Variants in PTPRD observed in about 807,000 individuals in gnomAD.
The protein encoded by PTPRD is protein tyrosine phosphatase receptor type D, also known as receptor-type tyrosine-protein phosphatase delta.
A neutral mutation model predicts 214.5 loss-of-function variants in PTPRD; 34 were observed. The observed-to-expected ratio is 0.16, with a 90% CI of 0.12 to 0.21. PTPRD has a LOEUF of 0.21. Among genes scored for constraint, PTPRD ranks in the 10% least tolerant of loss-of-function variants. PTPRD has a pLI of 1.00. For missense variants in PTPRD, 2,545 were observed against 2,398.7 expected, an observed-to-expected ratio of 1.06 and a Z score of -1.27; for synonymous variants, 1,128 against 845.7, an observed-to-expected ratio of 1.33 and a Z score of -5.79.
intron 10 of PTPRD, among the ~76,000 whole-genome samples, chr9:9,028,974 T>C (rs548182951): frequency 1.3e-5 from 2 of 152,056 alleles, no homozygotes; most frequent in East Asian, 3.9e-4. Flanking sequence ...TTGTCCAATA[T>C]GGTAGCCACT....
intron 33 of PTPRD, among the ~76,000 whole-genome samples, chr9:8,459,801 A>C (rs1457478632): frequency 2.0e-5 from 3 of 152,142 alleles, no homozygotes; most frequent in Non-Finnish European, 4.4e-5. Flanking sequence ...GTACCTTGGC[A>C]TCCCTTTTTG....
At chr9:10,323,305 A>C (rs868481168) in intron 3 of PTPRD, among the ~76,000 whole-genome samples, 1 of 87,192 alleles carries the variant, frequency 1.1e-5, no homozygotes, top group African/African-American at 4.6e-5. Flanking sequence ...CTCCCCTCCC[A>C]TTCCCTTCCT....
chr9:10,229,662 T>C (rs909515941), intron 3 of PTPRD, among the ~76,000 whole-genome samples: 2 of 121,946 alleles, frequency 1.6e-5, no homozygotes, highest in African/African-American at 6.4e-5. Context: ...TGAGAACACA[T>C]GGACATAGAT....
intron 5 of PTPRD, among the ~76,000 whole-genome samples, chr9:9,851,500 C>A (rs2060541071): frequency 6.6e-6 from 1 of 152,318 alleles, no homozygotes; most frequent in East Asian, 1.9e-4. Flanking sequence ...CCTAAAGATT[C>A]ACATTCTTCA....
chr9:9,972,600 A>C (rs2095169290), intron 4 of PTPRD, among the ~76,000 whole-genome samples: 1 of 152,232 alleles, frequency 6.6e-6, no homozygotes, highest in South Asian at 2.1e-4. Context: ...GCTTGAAAGA[A>C]CACAAATTTG....
At chr9:10,574,726 CACATT>C (rs1386482247) in intron 2 of PTPRD, among the ~76,000 whole-genome samples, 5 of 149,360 alleles carry the variant, frequency 3.3e-5, no homozygotes, top group African/African-American at 1.2e-4. Flanking sequence ...ATATCAAATT[CACATT>C]ACATTAGATA....
At chr9:9,810,674 G>C (rs1315738750) in intron 5 of PTPRD, among the ~76,000 whole-genome samples, 1 of 151,304 alleles carries the variant, frequency 6.6e-6, no homozygotes, top group Non-Finnish European at 1.5e-5. Flanking sequence ...GTAACCTAAA[G>C]AGCTCTCTGA....
intron 8 of PTPRD, among the ~76,000 whole-genome samples, chr9:9,495,554 G>T (rs1350559521): frequency 1.4e-5 from 2 of 147,652 alleles, no homozygotes; most frequent in African/African-American, 2.7e-5. Flanking sequence ...TGGACCTCAG[G>T]GAGATGGCTG....
At chr9:9,788,284 A>G (rs71492010) in intron 5 of PTPRD, among the ~76,000 whole-genome samples, 15,818 of 151,188 alleles carry the variant, frequency 0.1, 927 homozygotes, top group South Asian at 0.23. Flanking sequence ...GGGCGCGGTG[A>G]CTCACACCTG....
intron 4 of PTPRD, among the ~76,000 whole-genome samples, chr9:9,975,284 C>T (rs2095311657): frequency 6.6e-6 from 1 of 152,186 alleles, no homozygotes; most frequent in African/African-American, 2.4e-5. Flanking sequence ...TCCTCTAGCT[C>T]CTCTCTTTGA....
chr9:9,032,626 A>T (rs1438392404), intron 10 of PTPRD, among the ~76,000 whole-genome samples: 1 of 152,046 alleles, frequency 6.6e-6, no homozygotes, highest in East Asian at 1.9e-4. Context: ...TAGAAAAAAA[A>T]AATATGATTA....
At chr9:10,218,069 A>C (rs1353462592) in intron 3 of PTPRD, among the ~76,000 whole-genome samples, 1 of 151,908 alleles carries the variant, frequency 6.6e-6, no homozygotes, top group Non-Finnish European at 1.5e-5. Flanking sequence ...CACATTTATT[A>C]AGTAGATTCT....
chr9:9,242,502 C>G (rs571684518), intron 9 of PTPRD, among the ~76,000 whole-genome samples: 13 of 152,152 alleles, frequency 8.5e-5, no homozygotes, highest in African/African-American at 2.4e-4. Flanking sequence ...TAGATTTGGT[C>G]TTTTCACATA....
At chr9:8,706,292 A>T (rs549587237) in intron 12 of PTPRD, among the ~76,000 whole-genome samples, 1 of 152,208 alleles carries the variant, frequency 6.6e-6, no homozygotes, top group Non-Finnish European at 1.5e-5. Flanking sequence ...TATTTATCCC[A>T]AGGTAAAACA....
At chr9:9,472,632 C>T (rs1185995702) in intron 8 of PTPRD, among the ~76,000 whole-genome samples, 1 of 152,110 alleles carries the variant, frequency 6.6e-6, no homozygotes, top group Non-Finnish European at 1.5e-5. Context: ...TAATGATTCA[C>T]AAAGTTGAAT....
chr9:8,571,756 T>C (rs557459190), intron 14 of PTPRD, among the ~76,000 whole-genome samples: 7 of 152,254 alleles, frequency 4.6e-5, no homozygotes, highest in Non-Finnish European at 1.5e-5. Context: ...GATTTGTCCT[T>C]ATAGTTGAGC....
chr9:8,804,662 G>C (rs188607877), intron 11 of PTPRD, among the ~76,000 whole-genome samples: 8 of 146,398 alleles, frequency 5.5e-5, no homozygotes, highest in African/African-American at 2.0e-4. Flanking sequence ...TCTCCTAACT[G>C]GAGAAACGTG....
At chr9:9,673,188 T>C (rs189876966) in intron 7 of PTPRD, among the ~76,000 whole-genome samples, 1 of 151,972 alleles carries the variant, frequency 6.6e-6, no homozygotes, top group Non-Finnish European at 1.5e-5. Flanking sequence ...TCTTTAAGAA[T>C]TTTTAAAACT....
In PTPRD at chr9:9,172,458, A is replaced by C. The variant is rs76113462; in HGVS notation, c.-143+10846T>G. Among the ~76,000 whole-genome samples, 730 of 152,020 alleles carry C rather than the reference A, an allele frequency of 4.8e-3. 3 individuals are homozygous for C. Among genetic ancestry groups the C allele is most frequent in the African/African-American group, 0.017 (695 of 41,460 alleles). On this transcript the variant is annotated intron_variant, in intron 10 of 45. Coordinates refer to ENST00000381196, the MANE Select transcript of PTPRD (RefSeq NM_002839.4). ...TCTGATTAACCCTTTACTCACTTTC[A>C]TTTTCTGGAGAAGTGATCCCTTGCC...
Sources: gnomAD v4.1 joint callset for allele counts (sites outside exome capture counted in the v4.1 genomes callset) on GRCh38, gnomAD v4.1.1 for gene constraint, MANE v1.5 for transcripts, NCBI Gene and HGNC (gene_info 2026-07-23, HGNC 2026-07-21) for gene names.